PIK3C2A: variants seen among roughly 807,000 people sequenced by gnomAD.
The protein encoded by PIK3C2A is phosphatidylinositol 4-phosphate 3-kinase C2 domain-containing subunit alpha.
A neutral mutation model predicts 204.5 loss-of-function variants in PIK3C2A; 97 were observed. That is an observed-to-expected ratio of 0.47 (90% CI 0.40 to 0.56). PIK3C2A has a LOEUF of 0.56. Ranked by LOEUF, PIK3C2A falls within the 20% of genes least tolerant of loss-of-function variation. The probability of loss-of-function intolerance (pLI) is 0.00; values close to 1 mark genes in which losing one functional copy is unlikely to be tolerated. For missense variants in PIK3C2A, 1,735 were observed against 1,969.2 expected, an observed-to-expected ratio of 0.88 and a Z score of 2.25; for synonymous variants, 653 against 664.4, an observed-to-expected ratio of 0.98 and a Z score of 0.26.
At chr11:17,190,646 G>C (rs989091945) in intron 1 of PIK3C2A, among the ~76,000 whole-genome samples, 18 of 151,784 alleles carry the variant, frequency 1.2e-4, no homozygotes, top group African/African-American at 4.1e-4. Context: ...TGTATGAAGT[G>C]ATGGGACATT....
At chr11:17,197,024 C>A (rs1033754695) in intron 1 of PIK3C2A, among the ~76,000 whole-genome samples, 1 of 151,986 alleles carries the variant, frequency 6.6e-6, no homozygotes, top group African/African-American at 2.4e-5. Flanking sequence ...CCTGGCCAGG[C>A]ACGGGGCCTC....
chr11:17,105,369 TA>T, intron 22 of PIK3C2A, 64 bp from the exon 23 acceptor site: 1 of 1,315,810 alleles, frequency 7.6e-7, no homozygotes, highest in East Asian at 2.4e-5. Context: ...TAAACATTTT[TA>T]AAAATTATTA....
chr11:17,175,669 C>T (rs760338419), intron 1 of PIK3C2A, among the ~76,000 whole-genome samples: 2 of 152,178 alleles, frequency 1.3e-5, no homozygotes, highest in African/African-American at 2.4e-5. Flanking sequence ...GATCACAAGG[C>T]TGTAGCTACT....
intron 19 of PIK3C2A, 45 bp downstream of exon 19, chr11:17,117,446 T>C: frequency 5.2e-6 from 7 of 1,354,782 alleles, no homozygotes; most frequent in Non-Finnish European, 7.3e-6. Flanking sequence ...TAAAGATCCT[T>C]CCTTTAACAT....
At chr11:17,125,473 A>G (rs151013530) in intron 13 of PIK3C2A, among the ~76,000 whole-genome samples, 129 of 152,218 alleles carry the variant, frequency 8.5e-4, no homozygotes, top group Middle Eastern at 3.4e-3. Context: ...AAATTATAAT[A>G]TTCTAATTCT....
At chr11:17,165,137 G>C (rs1850903979) in intron 2 of PIK3C2A, among the ~76,000 whole-genome samples, 1 of 152,108 alleles carries the variant, frequency 6.6e-6, no homozygotes, top group Non-Finnish European at 1.5e-5. Context: ...GAGCTGAAAA[G>C]AAACTGTTCC....
chr11:17,154,055 TG>T (rs1166798025), intron 3 of PIK3C2A, among the ~76,000 whole-genome samples: 1 of 152,234 alleles, frequency 6.6e-6, no homozygotes, highest in Non-Finnish European at 1.5e-5. Flanking sequence ...TTAGTCCATT[TG>T]CAGTTTCGTA....
chr11:17,125,354 A>T (rs1849488742), intron 13 of PIK3C2A, among the ~76,000 whole-genome samples: 1 of 152,180 alleles, frequency 6.6e-6, no homozygotes, highest in Non-Finnish European at 1.5e-5. Context: ...TAAACATCCT[A>T]CAATGCACAG....
intron 1 of PIK3C2A, among the ~76,000 whole-genome samples, chr11:17,178,134 C>A (rs1216535315): frequency 7.0e-6 from 1 of 143,462 alleles, no homozygotes; most frequent in Non-Finnish European, 1.5e-5. Flanking sequence ...TTGCATGTCA[C>A]ATATAATTTA....
chr11:17,163,201 G>A (rs1164339593), intron 2 of PIK3C2A, among the ~76,000 whole-genome samples: 1 of 152,090 alleles, frequency 6.6e-6, no homozygotes, highest in East Asian at 1.9e-4. Context: ...AGCTACTCGG[G>A]AAGCTGAGCC....
chr11:17,089,650 A>AGTGTGT lies in PIK3C2A; in HGVS notation c.*82_*87dup. 1 of 698,910 alleles carries AGTGTGT rather than the reference A, an allele frequency of 1.4e-6. No homozygotes were observed. The highest frequency in any genetic ancestry group is 2.3e-6 in the Non-Finnish European group (1 of 427,102). The allele number at this position is 698,910 out of a possible 1,614,324, so 43.3% of individuals were successfully genotyped here. The stretch of plus-strand genomic sequence containing the variant: ...ATAAAAATACTATACAAAATTAACA[A>AGTGTGT]GTGTGTGTGTGTGTGTCTGTGTGTG... On this transcript the variant is annotated 3_prime_UTR_variant, in exon 33 of 33. Transcript: ENST00000691414.
chr11:17,175,147 ACT>A (rs553550320), intron 1 of PIK3C2A, among the ~76,000 whole-genome samples: 39 of 152,152 alleles, frequency 2.6e-4, no homozygotes, highest in Non-Finnish European at 5.4e-4. Context: ...ATGAATGTTA[ACT>A]CTCATTTACT....
intron 27 of PIK3C2A, among the ~76,000 whole-genome samples, chr11:17,096,529 T>C (rs1346167258): frequency 6.6e-6 from 1 of 152,106 alleles, no homozygotes; most frequent in Admixed American, 6.6e-5. Flanking sequence ...CACAAAAAGA[T>C]ACTAAAATTT....
intron 2 of PIK3C2A, among the ~76,000 whole-genome samples, chr11:17,164,140 C>T (rs1215283726): frequency 6.6e-6 from 1 of 152,044 alleles, no homozygotes; most frequent in Non-Finnish European, 1.5e-5. Context: ...TCAAGACATA[C>T]TCTAGGCTGG....
chr11:17,161,235 A>T (rs1435392216), intron 2 of PIK3C2A, among the ~76,000 whole-genome samples: 1 of 152,238 alleles, frequency 6.6e-6, no homozygotes, highest in Non-Finnish European at 1.5e-5. Context: ...TTTAAACATT[A>T]AATACATATT....
In PIK3C2A at chr11:17,112,081, C is replaced by T. The variant is rs916488472; in HGVS notation, c.3414+493G>A. Among the ~76,000 whole-genome samples, 5 of 152,048 alleles carry T rather than the reference C, an allele frequency of 3.3e-5. No individual in the cohort carries two copies. The South Asian group carries it at 1.0e-3, about 32-fold the overall frequency. On this transcript the variant is annotated intron_variant, in intron 21 of 32. Coordinates refer to ENST00000691414, the MANE Select transcript of PIK3C2A (RefSeq NM_002645.4). ...TCAAGTAGAAGCAATCTTTATGAAC[C>T]TCCACGTGTCCAACTCATTGAATTA...
At chr11:17,103,554 A>G (rs539938768) in intron 23 of PIK3C2A, among the ~76,000 whole-genome samples, 5 of 152,308 alleles carry the variant, frequency 3.3e-5, no homozygotes, top group South Asian at 2.1e-4. Flanking sequence ...ACCAATGATG[A>G]TAACAGCAAA....
At chr11:17,138,377 A>AC in intron 8 of PIK3C2A, 1 of 390,674 alleles carries the variant, frequency 2.6e-6, no homozygotes, top group Non-Finnish European at 4.8e-6. Context: ...CTCAAAGACT[A>AC]CCTCTAGCTG....
At chr11:17,102,979 A>G in intron 23 of PIK3C2A, 148 bp from the exon 24 acceptor site, 1 of 552,858 alleles carries the variant, frequency 1.8e-6, no homozygotes, top group Non-Finnish European at 3.1e-6. Context: ...TAGTAATAAA[A>G]GCCAATCTTT....
Sources: gnomAD v4.1 joint callset for allele counts (sites outside exome capture counted in the v4.1 genomes callset) on GRCh38, gnomAD v4.1.1 for gene constraint, MANE v1.5 for transcripts, NCBI Gene and HGNC (gene_info 2026-07-23, HGNC 2026-07-21) for gene names.